TTLL4: variants seen among roughly 807,000 people sequenced by gnomAD.
TTLL4 encodes the protein tubulin tyrosine ligase like 4, also known as tubulin monoglutamylase TTLL4.
A neutral mutation model predicts 122.7 loss-of-function variants in TTLL4; 85 were observed. The observed-to-expected ratio is 0.69, with a 90% CI of 0.58 to 0.83. The LOEUF is 0.83. TTLL4 is among the 40% of genes least tolerant of loss of function. The probability of loss-of-function intolerance (pLI) is 0.00; values close to 1 mark genes in which losing one functional copy is unlikely to be tolerated. For synonymous variants in TTLL4, 553 were observed against 563.0 expected (o/e 0.98, Z 0.25); for missense variants, 1,363 against 1,488.6 (o/e 0.92, Z 1.39).
Position 218,754,193 on chromosome 2 carries a change from C to T in TTLL4, c.3404C>T (p.Ser1135Phe). 6.2e-7 allele frequency: 1 copy of T among 1,614,180 alleles called. No homozygotes were observed. Among genetic ancestry groups the T allele is most frequent in the Admixed American group, 1.7e-5 (1 of 60,022 alleles). ...LLSEDGTTPK[S>F]KKTQAGLSPY... ...TCTGAAGACGGGACCACGCCCAAATCCAAGAAGACTCAAGCTGGCCTTTCC... is the reference window on the plus strand; with the variant it reads ...TCTGAAGACGGGACCACGCCCAAATTCAAGAAGACTCAAGCTGGCCTTTCC... Residue 1135 changes from serine (S) to phenylalanine (F), a missense_variant, in exon 20 of 20, where the codon TCC becomes TTC. By Grantham distance (155) the Ser-to-Phe change is radical. Coordinates refer to ENST00000392102, the MANE Select transcript of TTLL4 (RefSeq NM_014640.5).
chr2:218,726,196 G>C (rs1009191504), intron 1 of TTLL4, among the ~76,000 whole-genome samples: 1 of 151,924 alleles, frequency 6.6e-6, no homozygotes, highest in Non-Finnish European at 1.5e-5. Context: ...ATTCTTGGAG[G>C]GTAGTTTTTT....
chr2:218,758,878 A>G (rs1413911749), downstream of TTLL4, among the ~76,000 whole-genome samples: 1 of 152,212 alleles, frequency 6.6e-6, no homozygotes, highest in Non-Finnish European at 1.5e-5. Context: ...TTTAGAAACA[A>G]CCATATGTCC....
At chr2:218,741,859 GTGTT>G (rs1380783285) in intron 5 of TTLL4, among the ~76,000 whole-genome samples, 1 of 152,084 alleles carries the variant, frequency 6.6e-6, no homozygotes, top group African/African-American at 2.4e-5. Flanking sequence ...TTCACAAAAG[GTGTT>G]TGTTAATCAT....
chr2:218,753,300 C>T (rs1943074459), intron 18 of TTLL4, 115 bp downstream of exon 18: 7 of 1,138,848 alleles, frequency 6.1e-6, no homozygotes, highest in Middle Eastern at 5.7e-4. Flanking sequence ...CTCCGCTAGG[C>T]TCTGCTTCTG....
At chr2:218,726,373 G>T (rs904266304) in intron 1 of TTLL4, among the ~76,000 whole-genome samples, 1 of 152,096 alleles carries the variant, frequency 6.6e-6, no homozygotes, top group Non-Finnish European at 1.5e-5. Flanking sequence ...TATGCCTAGG[G>T]GTAGTCTTAT....
chr2:218,711,243 C>A (rs938218594), intron 1 of TTLL4, among the ~76,000 whole-genome samples: 2 of 152,216 alleles, frequency 1.3e-5, no homozygotes, highest in African/African-American at 4.8e-5. Flanking sequence ...CGCGCCTCCT[C>A]GGAGCCCTTC....
rs1423753170 is a variant in TTLL4 at position 218,719,805 on chromosome 2, A to AT, written c.-177-7462dup. 2.0e-5 allele frequency among the ~76,000 whole-genome samples: 3 copies of AT among 152,184 alleles called. No individual in the cohort carries two copies. In the East Asian group the frequency reaches 5.8e-4, roughly 29 times the overall value. The stretch of plus-strand genomic sequence containing the variant: ...GCTCATGGACCGTTTTTGAAAAGGG[A>AT]TTGACCTGATGAAGCAATACAGCAA... On this transcript the variant is annotated intron_variant, in intron 1 of 19. Transcript: ENST00000392102.
chr2:218,723,306 T>C (rs1396813389), intron 1 of TTLL4, among the ~76,000 whole-genome samples: 1 of 152,226 alleles, frequency 6.6e-6, no homozygotes, highest in Admixed American at 6.5e-5. Context: ...AGCAACTGTT[T>C]TCTCAGTTGA....
chr2:218,736,603 A>G (rs569487075), intron 2 of TTLL4, among the ~76,000 whole-genome samples: 1 of 152,304 alleles, frequency 6.6e-6, no homozygotes, highest in East Asian at 1.9e-4. Context: ...TTAAGTAAAA[A>G]TAATGCTGGT....
At chr2:218,723,430 G>T (rs1415448191) in intron 1 of TTLL4, among the ~76,000 whole-genome samples, 2 of 152,136 alleles carry the variant, frequency 1.3e-5, no homozygotes, top group African/African-American at 4.8e-5. Context: ...TATGTTGATG[G>T]GTCCTAGAGA....
At chr2:218,720,243 T>G (rs1941991970) in intron 1 of TTLL4, among the ~76,000 whole-genome samples, 1 of 151,994 alleles carries the variant, frequency 6.6e-6, no homozygotes, top group Non-Finnish European at 1.5e-5. Flanking sequence ...TAGTTGACAT[T>G]GTGAGAGAGA....
At chr2:218,720,788 G>T (rs1241198440) in intron 1 of TTLL4, among the ~76,000 whole-genome samples, 1 of 152,070 alleles carries the variant, frequency 6.6e-6, no homozygotes, top group Non-Finnish European at 1.5e-5. Context: ...CTAATGAGAT[G>T]ATTGATAGCT....
Position 218,740,144 on chromosome 2 carries a change from G to A in TTLL4, c.1574G>A (p.Arg525His), listed in dbSNP as rs114531217. The change falls in exon 4 of 20, where the codon CGT (arginine) becomes CAT (histidine). Residue 525 changes from arginine to histidine, a missense_variant. Arg to His is a conservative substitution (Grantham distance 29). This residue lies in a region of TTLL4 where 760 missense variants were observed against 808.4 expected (regional missense o/e 0.94). Coordinates refer to ENST00000392102, the MANE Select transcript of TTLL4 (RefSeq NM_014640.5). ...GATGGTTTGGAAGACTGTTGTAGCC[G>A]TGATGAGAATGAAGAGGAGGAGGGT... ...LVDGLEDCCS[R>H]DENEEEEGDS... 4.5e-5 allele frequency: 73 copies of A among 1,614,194 alleles called. No individual in the cohort carries two copies. The highest frequency in any genetic ancestry group is 5.5e-5 in the Non-Finnish European group (65 of 1,180,026).
chr2:218,724,301 G>A (rs988312575), intron 1 of TTLL4, among the ~76,000 whole-genome samples: 3 of 152,080 alleles, frequency 2.0e-5, no homozygotes, highest in African/African-American at 7.2e-5. Context: ...AGACCAGAAG[G>A]CAGGTAGCAC....
chr2:218,755,656 G>A (rs544757056), downstream of TTLL4, among the ~76,000 whole-genome samples: 1 of 152,246 alleles, frequency 6.6e-6, no homozygotes, highest in Admixed American at 6.5e-5. Flanking sequence ...TTCTAGCAGT[G>A]GCACATATAA....
intron 2 of TTLL4, among the ~76,000 whole-genome samples, chr2:218,729,735 TTCTC>T (rs1392928210): frequency 4.9e-5 from 7 of 143,998 alleles, no homozygotes; most frequent in Non-Finnish European, 1.0e-4. Context: ...GGATTTTCTT[TTCTC>T]TCTCTTTTTA....
chr2:218,729,787 A>T (rs1347970700), intron 2 of TTLL4, among the ~76,000 whole-genome samples: 1 of 144,152 alleles, frequency 6.9e-6, no homozygotes. Flanking sequence ...ACAGGATCTT[A>T]TTCTGTCACC....
intron 1 of TTLL4, among the ~76,000 whole-genome samples, chr2:218,714,794 A>G (rs1941810652): frequency 6.6e-6 from 1 of 151,742 alleles, no homozygotes. Context: ...TTTTGTTTAG[A>G]GATGGGGTCT....
rs774175585 is a variant in TTLL4 at position 218,746,222 on chromosome 2, G to A, written c.1965G>A (p.Glu655=). 1.9e-6 allele frequency: 3 copies of A among 1,614,092 alleles called. No individual in the cohort carries two copies. Among genetic ancestry groups the A allele is most frequent in the Non-Finnish European group, 2.5e-6 (3 of 1,180,010 alleles). Residue 655 remains glutamate, a synonymous_variant, in exon 8 of 20, where the codon GAG becomes GAA. Transcript: ENST00000392102. ...CTCCTAGTTTCCGATCCATTCGAGA[G>A]CATCAGAAGGTAGGGGTCCTTTCTG... The part of the protein sequence containing the change: ...MKSPSFRSIR[E]HQKLNHFPGS...
Sources: allele counts gnomAD v4.1 joint callset (sites outside exome capture counted in the v4.1 genomes callset), GRCh38; gene constraint gnomAD v4.1.1; regional missense constraint gnomAD v4.1.1; transcripts MANE v1.5; gene names NCBI Gene and HGNC (gene_info 2026-07-23, HGNC 2026-07-21).